Variants in CNTN1 observed in about 807,000 individuals in gnomAD.
The protein encoded by CNTN1 is contactin 1, also known as contactin-1.
CNTN1 carries 38 observed loss-of-function variants against 126.4 expected under a neutral mutation model. That is an observed-to-expected ratio of 0.30 (90% confidence interval 0.23 to 0.39). The LOEUF (loss-of-function observed/expected upper bound fraction) is 0.39, where lower values mean the gene tolerates loss of function less well. Ranked by LOEUF, CNTN1 falls within the 10% of genes least tolerant of loss-of-function variation. The pLI, the probability that CNTN1 is intolerant of heterozygous loss-of-function variation, is 1.00. For synonymous variants in CNTN1, 413 were observed against 422.6 expected (o/e 0.98, Z 0.28); for missense variants, 1,009 against 1,248.4 (o/e 0.81, Z 2.89).
At chr12:40,859,577 A>T (rs1797391120) in intron 1 of CNTN1, among the ~76,000 whole-genome samples, 6 of 152,102 alleles carry the variant, frequency 3.9e-5, no homozygotes, top group Admixed American at 3.9e-4. Flanking sequence ...CACTTTTGCC[A>T]CACAGTATTT....
chr12:40,841,067 C>G (rs1257134233), intron 1 of CNTN1, among the ~76,000 whole-genome samples: 1 of 151,742 alleles, frequency 6.6e-6, no homozygotes, highest in African/African-American at 2.4e-5. Context: ...CTAAACTAAT[C>G]AAGCAGAAAG....
intron 17 of CNTN1, among the ~76,000 whole-genome samples, chr12:41,000,479 T>C (rs1200863972): frequency 6.6e-6 from 1 of 152,178 alleles, no homozygotes; most frequent in Admixed American, 6.5e-5. Context: ...ATATATATTA[T>C]ATCTAAAGTG....
chr12:41,007,303 G>T lies in CNTN1; in HGVS notation c.2114-6925G>T, dbSNP rs376104585. 4.0e-5 allele frequency among the ~76,000 whole-genome samples: 6 copies of T among 151,852 alleles called. No homozygotes were observed. The South Asian group carries it at 1.2e-3, about 32-fold the overall frequency. On this transcript the variant is annotated intron_variant, in intron 17 of 23. Coordinates refer to ENST00000551295, the MANE Select transcript of CNTN1 (RefSeq NM_001843.4). ...TCTTGATCTCCTGACCTTGTGATCC[G>T]CCCGCCTCGGCCTCCCAAAGTGCTG... is the stretch of plus-strand genomic sequence containing the variant.
intron 15 of CNTN1, chr12:40,979,073 G>C (rs913402047): frequency 6.6e-6 from 1 of 152,092 alleles, no homozygotes; most frequent in African/African-American, 2.4e-5. Flanking sequence ...TCTTACATAT[G>C]AAAAATGCAA....
chr12:40,833,113 T>G (rs894943035), intron 1 of CNTN1, among the ~76,000 whole-genome samples: 2 of 151,824 alleles, frequency 1.3e-5, no homozygotes, highest in African/African-American at 4.8e-5. Flanking sequence ...TGGAGTCCAG[T>G]GGCGCAGTCT....
chr12:40,883,957 T>C (rs533348248), intron 1 of CNTN1, among the ~76,000 whole-genome samples: 1 of 151,726 alleles, frequency 6.6e-6, no homozygotes, highest in East Asian at 1.9e-4. Flanking sequence ...ATATATCCTT[T>C]ATCATAGGAA....
At chr12:40,819,434 A>C (rs1175612358) in intron 1 of CNTN1, among the ~76,000 whole-genome samples, 1 of 152,134 alleles carries the variant, frequency 6.6e-6, no homozygotes, top group Non-Finnish European at 1.5e-5. Flanking sequence ...AGGATGCCTC[A>C]GGGTTAGACC....
chr12:40,876,430 A>G (rs1166256545), intron 1 of CNTN1, among the ~76,000 whole-genome samples: 1 of 152,094 alleles, frequency 6.6e-6, no homozygotes, highest in South Asian at 2.1e-4. Context: ...TAAACCTCAT[A>G]GAACCCCATG....
intron 15 of CNTN1, among the ~76,000 whole-genome samples, chr12:40,970,911 A>G (rs1947486885): frequency 6.6e-6 from 1 of 152,174 alleles, no homozygotes; most frequent in Non-Finnish European, 1.5e-5. Flanking sequence ...TTTTATAAAC[A>G]TTGTCCTTTA....
chr12:40,956,675 G>C (rs1215993418), intron 14 of CNTN1, among the ~76,000 whole-genome samples: 1 of 152,050 alleles, frequency 6.6e-6, no homozygotes, highest in Non-Finnish European at 1.5e-5. Context: ...GGCACACTAG[G>C]TGAGCTGGAG....
rs780538212 is a variant in CNTN1 at position 41,029,135 on chromosome 12, A to G, written c.2896A>G (p.Ile966Val). The change falls in exon 23 of 24, where the codon ATC becomes GTC. Residue 966 changes from isoleucine to valine, a missense_variant. Physicochemically the swap from Ile to Val is conservative, Grantham distance 29 (BLOSUM62 3). Coordinates refer to ENST00000551295, the MANE Select transcript of CNTN1 (RefSeq NM_001843.4). ...STHKHSIEVP[I>V]PRDGEYVVEV... ...TCACAAACACTCCATAGAAGTCCCA[A>G]TCCCCAGAGATGGAGAATACGTTGT... 25 of 1,614,056 alleles carry G rather than the reference A, an allele frequency of 1.5e-5. No homozygotes were observed. Among genetic ancestry groups the G allele is most frequent in the Non-Finnish European group, 2.0e-5 (24 of 1,179,976 alleles).
chr12:40,971,386 A>G lies in CNTN1; in HGVS notation c.1805-9523A>G, dbSNP rs1947504340. 3 of 1,502,122 alleles carry G rather than the reference A, an allele frequency of 2.0e-6. No individual in the cohort carries two copies. The East Asian group carries it at 6.9e-5, about 34-fold the overall frequency. The allele number at this position is 1,502,122 out of a possible 1,614,324, so 93.0% of individuals were successfully genotyped here. On this transcript the variant is annotated intron_variant, in intron 15 of 23. Transcript: ENST00000551295. ...CCCAAGTGCATGGCTTCCTGCCCCT[A>G]ATTGGGCATCCACACTCTCCCTTCA...
At chr12:40,719,898 C>T (rs188619961) in intron 1 of CNTN1, among the ~76,000 whole-genome samples, 30 of 152,048 alleles carry the variant, frequency 2.0e-4, no homozygotes, top group Admixed American at 1.6e-3. Context: ...AGTGCAGTGG[C>T]GCGATCACGG....
chr12:40,755,712 C>T (rs977259570), intron 1 of CNTN1, among the ~76,000 whole-genome samples: 1 of 151,812 alleles, frequency 6.6e-6, no homozygotes, highest in African/African-American at 2.4e-5. Context: ...CCTGTCTCTA[C>T]AAAAATTAAA....
intron 1 of CNTN1, among the ~76,000 whole-genome samples, chr12:40,793,866 G>A (rs564985558): frequency 1.4e-4 from 21 of 151,868 alleles, no homozygotes; most frequent in East Asian, 5.8e-4. Flanking sequence ...CCATCCATTC[G>A]TTCAAATCTT....
intron 23 of CNTN1, among the ~76,000 whole-genome samples, chr12:41,069,243 G>A (rs1389909489): frequency 6.6e-6 from 1 of 151,858 alleles, no homozygotes; most frequent in Non-Finnish European, 1.5e-5. Context: ...TAATATCTCA[G>A]GGCAATTGTT....
chr12:41,026,966 C>A (rs973808895), intron 21 of CNTN1, among the ~76,000 whole-genome samples: 2 of 151,902 alleles, frequency 1.3e-5, no homozygotes, highest in Non-Finnish European at 2.9e-5. Flanking sequence ...CAACTTGCTG[C>A]CAATTTGGAT....
At chr12:40,992,166 A>T (rs1948110445) in intron 16 of CNTN1, among the ~76,000 whole-genome samples, 1 of 152,204 alleles carries the variant, frequency 6.6e-6, no homozygotes, top group African/African-American at 2.4e-5. Context: ...TGGCAAAAGT[A>T]GTGTCTAGCA....
chr12:40,935,049 C>T (rs1946032766), intron 9 of CNTN1, among the ~76,000 whole-genome samples: 1 of 151,918 alleles, frequency 6.6e-6, no homozygotes, highest in Non-Finnish European at 1.5e-5. Context: ...TCTGTGAACC[C>T]CATCTCCATT....
Sources: allele counts gnomAD v4.1 joint callset (sites outside exome capture counted in the v4.1 genomes callset), GRCh38; gene constraint gnomAD v4.1.1; transcripts MANE v1.5; gene names NCBI Gene and HGNC (gene_info 2026-07-23, HGNC 2026-07-21).